PVT1: variants seen among roughly 807,000 people sequenced by gnomAD.
PVT1 encodes the protein CXCR4/PVT1 fusion.
At chr8:128,092,490 G>A (rs1814370152) in intron 5 of PVT1, among the ~76,000 whole-genome samples, 1 of 152,202 alleles carries the variant, frequency 6.6e-6, no homozygotes, top group Admixed American at 6.5e-5. Context: ...CCCCTGGACA[G>A]CTGTTCACTC....
chr8:127,812,650 G>A (rs1424155566), intron 2 of PVT1, among the ~76,000 whole-genome samples: 1 of 149,910 alleles, frequency 6.7e-6, no homozygotes, highest in Non-Finnish European at 1.5e-5. Context: ...GGAAGGGAAG[G>A]GAAGGGAAGG....
At chr8:127,821,361 A>T (rs987466161) in intron 2 of PVT1, among the ~76,000 whole-genome samples, 1 of 152,176 alleles carries the variant, frequency 6.6e-6, no homozygotes, top group African/African-American at 2.4e-5. Flanking sequence ...GGATTATAAG[A>T]CTCAGTTTAA....
chr8:127,868,808 T>TATATATATACGTATATATATGTATATAC (rs1815320290), intron 2 of PVT1, among the ~76,000 whole-genome samples: 2 of 110,466 alleles, frequency 1.8e-5, no homozygotes, highest in Admixed American at 2.3e-4. Context: ...TATATGTACA[T>TATATATATACGTATATATATGTATATAC]ATATATATAT....
At chr8:127,976,495 G>A (rs887655419) in intron 3 of PVT1, among the ~76,000 whole-genome samples, 29 of 152,152 alleles carry the variant, frequency 1.9e-4, no homozygotes, top group African/African-American at 6.0e-4. Flanking sequence ...TAGTCCTCCT[G>A]CTGAACCTCC....
At chr8:127,803,834 C>A (rs1814497400) in intron 2 of PVT1, among the ~76,000 whole-genome samples, 1 of 151,782 alleles carries the variant, frequency 6.6e-6, no homozygotes, top group Non-Finnish European at 1.5e-5. Context: ...GATTCTCCTG[C>A]CTCAGCCTTC....
intron 2 of PVT1, among the ~76,000 whole-genome samples, chr8:127,876,328 C>T (rs1815405360): frequency 6.6e-6 from 1 of 152,044 alleles, no homozygotes; most frequent in African/African-American, 2.4e-5. Flanking sequence ...TGTAATGCCA[C>T]CCAGTTCCCA....
chr8:127,933,380 C>T (rs544715063), intron 3 of PVT1, among the ~76,000 whole-genome samples: 7 of 152,342 alleles, frequency 4.6e-5, no homozygotes, highest in African/African-American at 1.7e-4. Flanking sequence ...TGGCCAGTAT[C>T]ATGGATATTT....
chr8:127,891,151 G>A (rs771620074), intron 3 of PVT1, among the ~76,000 whole-genome samples: 4 of 152,268 alleles, frequency 2.6e-5, no homozygotes, highest in South Asian at 2.1e-4. Flanking sequence ...CCTGGAAGCC[G>A]TTACTGTTCC....
At chr8:127,797,263 C>T (rs991746149) in intron 2 of PVT1, among the ~76,000 whole-genome samples, 1 of 152,194 alleles carries the variant, frequency 6.6e-6, no homozygotes, top group African/African-American at 2.4e-5. Context: ...AACATCTGAC[C>T]TCAGGTGATC....
chr8:127,837,558 C>T (rs539965690), intron 2 of PVT1, among the ~76,000 whole-genome samples: 1 of 151,908 alleles, frequency 6.6e-6, no homozygotes, highest in Non-Finnish European at 1.5e-5. Context: ...TATATAATTT[C>T]CTGAGTTTTC....
intron 4 of PVT1, among the ~76,000 whole-genome samples, chr8:127,995,673 G>A (rs1817096241): frequency 6.6e-6 from 1 of 152,214 alleles, no homozygotes; most frequent in Non-Finnish European, 1.5e-5. Context: ...TGGCCATGAA[G>A]AGACTGCTTT....
At chr8:127,882,784 G>C (rs1264982911) in intron 2 of PVT1, among the ~76,000 whole-genome samples, 1 of 152,174 alleles carries the variant, frequency 6.6e-6, no homozygotes, top group African/African-American at 2.4e-5. Context: ...CACCCAGCCA[G>C]TTTTGAAGAA....
At chr8:127,905,575 T>C (rs1815810049) in intron 3 of PVT1, among the ~76,000 whole-genome samples, 1 of 152,202 alleles carries the variant, frequency 6.6e-6, no homozygotes, top group Non-Finnish European at 1.5e-5. Flanking sequence ...TTTGTATGAA[T>C]GTTTGTTGAG....
At chr8:128,026,485 C>A (rs1317793458) in intron 4 of PVT1, among the ~76,000 whole-genome samples, 2 of 152,048 alleles carry the variant, frequency 1.3e-5, no homozygotes, top group African/African-American at 4.8e-5. Flanking sequence ...AGCTGAGGCT[C>A]ACAGAGGAGA....
At chr8:127,952,276 A>T (rs1267966220) in intron 3 of PVT1, among the ~76,000 whole-genome samples, 2 of 152,248 alleles carry the variant, frequency 1.3e-5, no homozygotes, top group African/African-American at 4.8e-5. Context: ...CCATGTGCCC[A>T]GGGAGGCCAG....
chr8:128,050,518 C>G (rs1446141542), intron 4 of PVT1, among the ~76,000 whole-genome samples: 1 of 152,226 alleles, frequency 6.6e-6, no homozygotes. Flanking sequence ...GTCTTTTAAA[C>G]ACTACTTGCT....
chr8:127,929,118 G>T (rs1403821407), intron 3 of PVT1, among the ~76,000 whole-genome samples: 1 of 152,070 alleles, frequency 6.6e-6, no homozygotes, highest in African/African-American at 2.4e-5. Flanking sequence ...GGGTTTAGCG[G>T]GTGGGAAAGG....
At chr8:127,890,927 G>C (rs1415593067) in exon 3 of PVT1, 5 of 152,336 alleles carry the variant, frequency 3.3e-5, no homozygotes, top group African/African-American at 4.8e-5. Context: ...TCTCCCTATG[G>C]AATGTAAGAC....
At chr8:128,014,729 C>T (rs1021637414) in intron 4 of PVT1, among the ~76,000 whole-genome samples, 9 of 152,188 alleles carry the variant, frequency 5.9e-5, no homozygotes, top group Non-Finnish European at 1.3e-4. Context: ...TCCTCTGTTT[C>T]CATTGAAATT....
Sources: allele counts gnomAD v4.1 joint callset (sites outside exome capture counted in the v4.1 genomes callset), GRCh38; gene constraint gnomAD v4.1.1; transcripts MANE v1.5; gene names NCBI Gene and HGNC (gene_info 2026-07-23, HGNC 2026-07-21).